MED13: variants seen among roughly 807,000 people sequenced by gnomAD.
MED13 encodes mediator complex subunit 13.
A neutral mutation model predicts 225.2 loss-of-function variants in MED13; 23 were observed. The observed-to-expected ratio is 0.10, with a 90% CI of 0.07 to 0.14. The LOEUF is 0.14. Among genes scored for constraint, MED13 ranks in the 10% least tolerant of loss-of-function variants. The probability of loss-of-function intolerance (pLI) is 1.00; values close to 1 mark genes in which losing one functional copy is unlikely to be tolerated. For missense variants in MED13, 2,197 were observed against 2,594.5 expected (o/e 0.85, Z 3.33); for synonymous variants, 942 against 889.2 (o/e 1.06, Z -1.06).
At chr17:62,050,339 CA>C (rs2080945100) in intron 3 of MED13, among the ~76,000 whole-genome samples, 3 of 137,292 alleles carry the variant, frequency 2.2e-5, no homozygotes, top group Non-Finnish European at 3.1e-5. Flanking sequence ...GCCTGGGCAA[CA>C]AGAGTGAAAC....
intron 18 of MED13, 150 bp downstream of exon 18, chr17:61,967,885 G>A: frequency 1.6e-6 from 1 of 638,172 alleles, no homozygotes; most frequent in Non-Finnish European, 2.6e-6. Context: ...GTCAAACTCA[G>A]CAAAGAATGT....
intron 3 of MED13, among the ~76,000 whole-genome samples, chr17:62,045,501 C>T (rs548869460): frequency 7.0e-4 from 106 of 151,806 alleles, no homozygotes; most frequent in Non-Finnish European, 1.4e-3. Context: ...CCATCTTGGG[C>T]ACAGAGCAAG....
intron 8 of MED13, among the ~76,000 whole-genome samples, chr17:62,015,776 T>C (rs1413830667): frequency 7.3e-6 from 1 of 136,780 alleles, no homozygotes; most frequent in Non-Finnish European, 1.6e-5. Flanking sequence ...ATACACACAC[T>C]ATATATATAT....
Position 61,992,426 on chromosome 17 carries a change from C to T in MED13, c.2263+114G>A. The stretch of plus-strand genomic sequence containing the variant: ...CCCATCATTTAAGAAAGATTCCTTT[C>T]TATGAAACATAATGAATTATACAAA... On this transcript the variant is annotated intron_variant, in intron 11 of 29. Coordinates refer to ENST00000397786, the MANE Select transcript of MED13 (RefSeq NM_005121.3). The T allele has an allele frequency of 6.6e-6, 4 of 606,080 alleles. No individual in the cohort carries two copies. In the South Asian group the frequency reaches 1.0e-4, roughly 15 times the overall value. The allele number at this position is 606,080 out of a possible 1,614,324, so 37.5% of individuals were successfully genotyped here. A position where few individuals can be genotyped will look rare whatever the true frequency, so the allele number is the denominator to read the frequency against.
At chr17:62,035,248 C>T (rs1385098542) in intron 4 of MED13, among the ~76,000 whole-genome samples, 1 of 151,922 alleles carries the variant, frequency 6.6e-6, no homozygotes, top group Non-Finnish European at 1.5e-5. Context: ...ACTACTTCAC[C>T]ATTCACGGTC....
intron 3 of MED13, among the ~76,000 whole-genome samples, chr17:62,047,878 A>G (rs1011337903): frequency 1.3e-5 from 2 of 151,724 alleles, no homozygotes; most frequent in Admixed American, 6.6e-5. Flanking sequence ...GTGTGAGCCT[A>G]TATTTTCAAT....
At chr17:62,057,019 G>T (rs1477772832) in intron 2 of MED13, among the ~76,000 whole-genome samples, 1 of 151,268 alleles carries the variant, frequency 6.6e-6, no homozygotes, top group African/African-American at 2.4e-5. Context: ...CTATCAATGG[G>T]GAAAAAAAAT....
At chr17:62,057,534 T>G (rs892645445) in intron 2 of MED13, among the ~76,000 whole-genome samples, 1 of 151,114 alleles carries the variant, frequency 6.6e-6, no homozygotes, top group African/African-American at 2.4e-5. Flanking sequence ...CTCTTTAGAC[T>G]ATGTGGGGCA....
chr17:62,047,060 G>T (rs1024192012), intron 3 of MED13, among the ~76,000 whole-genome samples: 13 of 150,578 alleles, frequency 8.6e-5, no homozygotes, highest in Non-Finnish European at 1.8e-4. Flanking sequence ...AGAGACGGGG[G>T]TCTGCAGCCA....
chr17:61,967,757 C>G (rs1467382349), intron 18 of MED13, among the ~76,000 whole-genome samples: 2 of 152,110 alleles, frequency 1.3e-5, no homozygotes, highest in Non-Finnish European at 2.9e-5. Context: ...AACATTGTTA[C>G]CCTTTGTTTT....
chr17:61,972,696 T>C (rs2143409986), intron 17 of MED13, 31 bp downstream of exon 17: 1 of 1,525,400 alleles, frequency 6.6e-7, no homozygotes. Context: ...GATATAAAAT[T>C]AGTCATTATA....
chr17:61,953,941 A>C (rs1428609059), intron 26 of MED13, among the ~76,000 whole-genome samples: 2 of 152,190 alleles, frequency 1.3e-5, no homozygotes, highest in Admixed American at 6.5e-5. Flanking sequence ...TTACGTACAC[A>C]CCTATGATGG....
chr17:61,995,241 A>G lies in MED13; in HGVS notation c.2092T>C (p.Tyr698His). The G allele has an allele frequency of 6.2e-7, 1 of 1,613,762 alleles. No individual in the cohort carries two copies. The highest frequency in any genetic ancestry group is 8.5e-7 in the Non-Finnish European group (1 of 1,179,834). ...TCCTCATCTCCTTCAACAAATGCATATGGATCAATTTTAGGTTCTTGTTCT... is the reference window on the plus strand; with the variant it reads ...TCCTCATCTCCTTCAACAAATGCATGTGGATCAATTTTAGGTTCTTGTTCT... Reference protein sequence around the residue: ...DAEQEPKIDPYAFVEGDEEFL... With the variant: ...DAEQEPKIDPHAFVEGDEEFL... The change falls in exon 10 of 30, where the codon TAT becomes CAT. Residue 698 changes from tyrosine to histidine, a missense_variant. Tyr to His is a moderately conservative substitution (Grantham distance 83, BLOSUM62 2). Coordinates refer to ENST00000397786, the MANE Select transcript of MED13 (RefSeq NM_005121.3).
At chr17:61,956,979 T>C (rs2079950968) in intron 23 of MED13, among the ~76,000 whole-genome samples, 1 of 152,198 alleles carries the variant, frequency 6.6e-6, no homozygotes, top group South Asian at 2.1e-4. Context: ...TTTCACATTA[T>C]AATATATAAA....
intron 8 of MED13, among the ~76,000 whole-genome samples, chr17:62,015,967 T>A (rs1295380293): frequency 0.089 from 4,341 of 48,800 alleles, 518 homozygotes; most frequent in East Asian, 0.33. Flanking sequence ...TTTTTTTTTT[T>A]TTTTTTTTTT....
intron 16 of MED13, among the ~76,000 whole-genome samples, chr17:61,974,635 T>A (rs1256791812): frequency 6.6e-6 from 1 of 152,070 alleles, no homozygotes; most frequent in Non-Finnish European, 1.5e-5. Flanking sequence ...TCAAACCTCA[T>A]GCTTATGATA....
At chr17:61,980,730 C>T (rs1396492149) in intron 16 of MED13, among the ~76,000 whole-genome samples, 5 of 152,100 alleles carry the variant, frequency 3.3e-5, no homozygotes, top group Non-Finnish European at 7.4e-5. Context: ...TCACTACTTC[C>T]AAACCCCAAC....
intron 2 of MED13, among the ~76,000 whole-genome samples, chr17:62,061,375 A>T (rs532695383): frequency 5.6e-4 from 85 of 152,240 alleles, no homozygotes; most frequent in African/African-American, 2.0e-3. Flanking sequence ...AAAAAAGAAA[A>T]AAAAAATTAA....
chr17:62,038,667 C>A (rs1464997561), intron 3 of MED13, among the ~76,000 whole-genome samples: 1 of 152,010 alleles, frequency 6.6e-6, no homozygotes, highest in African/African-American at 2.4e-5. Flanking sequence ...TGAGCACTTA[C>A]CCACTTCATT....
Sources: allele counts gnomAD v4.1 joint callset (sites outside exome capture counted in the v4.1 genomes callset), GRCh38; gene constraint gnomAD v4.1.1; transcripts MANE v1.5; gene names NCBI Gene and HGNC (gene_info 2026-07-23, HGNC 2026-07-21).